Variants in ATF2 observed in about 807,000 individuals in gnomAD.
ATF2 encodes the protein activating transcription factor 2.
In ATF2, 24 loss-of-function variants were observed where a neutral mutation model predicts 60.6. The observed-to-expected ratio is 0.40, with a 90% CI of 0.29 to 0.56. ATF2 has a LOEUF of 0.56. Among genes scored for constraint, ATF2 ranks in the 20% least tolerant of loss-of-function variants. ATF2 has a pLI of 0.54. For missense variants in ATF2, 433 were observed against 607.7 expected (o/e 0.71, Z 3.02); for synonymous variants, 206 against 215.4 (o/e 0.96, Z 0.38).
intron 12 of ATF2, among the ~76,000 whole-genome samples, chr2:175,086,259 C>T (rs1388059284): frequency 2.0e-5 from 3 of 152,030 alleles, no homozygotes; most frequent in Admixed American, 1.3e-4. Flanking sequence ...CTCTAATAGT[C>T]GATTTCATTA....
intron 10 of ATF2, among the ~76,000 whole-genome samples, chr2:175,110,736 G>A (rs950105578): frequency 6.6e-6 from 1 of 152,086 alleles, no homozygotes; most frequent in Admixed American, 6.5e-5. Flanking sequence ...CACCCGAGTA[G>A]CTAGGATTAC....
intron 2 of ATF2, among the ~76,000 whole-genome samples, 158 bp downstream of exon 2, chr2:175,150,902 G>C (rs1255031464): frequency 6.6e-6 from 1 of 152,092 alleles, no homozygotes; most frequent in Non-Finnish European, 1.5e-5. Context: ...CAAATTTGCT[G>C]AATCTCAGCA....
chr2:175,116,393 G>T (rs1696573611), intron 7 of ATF2, among the ~76,000 whole-genome samples: 2 of 152,022 alleles, frequency 1.3e-5, no homozygotes, highest in African/African-American at 4.8e-5. Context: ...CAACTAAATG[G>T]ATGGAGAAAA....
At chr2:175,133,510 C>G (rs2105757645) in intron 3 of ATF2, among the ~76,000 whole-genome samples, 1 of 152,262 alleles carries the variant, frequency 6.6e-6, no homozygotes, top group African/African-American at 2.4e-5. Flanking sequence ...TGCTTTAGAT[C>G]AATGTTTCCC....
At position 175,118,113 on chromosome 2, in the gene ATF2, A is replaced by G. The variant is rs1284671743; in HGVS notation, c.324T>C (p.Pro108=). 3 of 1,609,378 alleles carry G rather than the reference A, an allele frequency of 1.9e-6. No homozygotes were observed. The highest frequency in any genetic ancestry group is 3.3e-4 in the Middle Eastern group (2 of 6,050). ...KASEDDIKKM[P]LDLSPLATPI... Reference sequence around the variant, plus strand: ...GTGTTGCAAGAGGGGATAAATCTAGAGGCATCTATAATTCAAATAATAAGG... The same window carrying G: ...GTGTTGCAAGAGGGGATAAATCTAGGGGCATCTATAATTCAAATAATAAGG... Residue 108 remains proline, a synonymous_variant, in exon 7 of 14, where the codon CCT becomes CCC. Transcript: ENST00000264110.
chr2:175,154,198 G>A (rs1366742002), intron 1 of ATF2, among the ~76,000 whole-genome samples: 5 of 148,516 alleles, frequency 3.4e-5, no homozygotes, highest in African/African-American at 1.2e-4. Context: ...TAGGCAAGAA[G>A]AGCGAAACTC....
At chr2:175,089,588 TCA>T (rs1165467008) in intron 12 of ATF2, among the ~76,000 whole-genome samples, 1 of 152,208 alleles carries the variant, frequency 6.6e-6, no homozygotes, top group Non-Finnish European at 1.5e-5. Flanking sequence ...ATTCTGTTCT[TCA>T]CAGTTAACGG....
intron 1 of ATF2, among the ~76,000 whole-genome samples, chr2:175,158,071 A>C (rs927270504): frequency 2.1e-4 from 32 of 152,104 alleles, no homozygotes; most frequent in African/African-American, 7.7e-4. Flanking sequence ...CACTCAGTAC[A>C]TTCATGACTA....
intron 10 of ATF2, among the ~76,000 whole-genome samples, chr2:175,105,096 T>C (rs1145061): frequency 0.097 from 14,805 of 152,232 alleles, 810 homozygotes; most frequent in Middle Eastern, 0.17. Context: ...ATTGAGTACA[T>C]AGCTTTACAT....
chr2:175,096,280 G>C (rs971609432), intron 11 of ATF2, among the ~76,000 whole-genome samples: 1 of 152,106 alleles, frequency 6.6e-6, no homozygotes, highest in Non-Finnish European at 1.5e-5. Context: ...TCATCTCATA[G>C]GCAGTCACAA....
intron 2 of ATF2, among the ~76,000 whole-genome samples, chr2:175,137,831 A>T (rs1313159260): frequency 6.6e-6 from 1 of 152,076 alleles, no homozygotes; most frequent in Non-Finnish European, 1.5e-5. Context: ...TTCCCTTATT[A>T]CCATTTTCTA....
chr2:175,076,782 A>AT (rs934909461), intron 13 of ATF2, among the ~76,000 whole-genome samples: 7 of 151,004 alleles, frequency 4.6e-5, no homozygotes, highest in African/African-American at 1.7e-4. Context: ...GATTTTTAAA[A>AT]TTTTTTTATT....
chr2:175,106,431 C>T (rs1443654250), intron 10 of ATF2, among the ~76,000 whole-genome samples: 9 of 151,402 alleles, frequency 5.9e-5, no homozygotes, highest in African/African-American at 1.2e-4. Flanking sequence ...GAGGCTGAGG[C>T]GGGAAAATCG....
chr2:175,150,472 C>T (rs1699237501), intron 2 of ATF2, among the ~76,000 whole-genome samples: 1 of 151,934 alleles, frequency 6.6e-6, no homozygotes, highest in Non-Finnish European at 1.5e-5. Context: ...TTTTTTTTTA[C>T]TTTATACTCT....
intron 1 of ATF2, among the ~76,000 whole-genome samples, chr2:175,158,886 T>G (rs548095671): frequency 6.6e-6 from 1 of 152,324 alleles, no homozygotes; most frequent in South Asian, 2.1e-4. Flanking sequence ...AAAATAGTAT[T>G]TATTAAGTTC....
intron 1 of ATF2, among the ~76,000 whole-genome samples, chr2:175,158,654 A>G (rs1699833015): frequency 6.6e-6 from 1 of 152,142 alleles, no homozygotes; most frequent in Admixed American, 6.5e-5. Flanking sequence ...ATAATTTAAA[A>G]TAAGAGTGAC....
intron 13 of ATF2, 89 bp from the exon 14 acceptor site, chr2:175,074,924 G>C: frequency 1.9e-6 from 3 of 1,555,786 alleles, no homozygotes; most frequent in South Asian, 1.2e-5. Context: ...TAAAAAGTTA[G>C]AAAGTATCTT....
chr2:175,106,413 G>A (rs1193606843), intron 10 of ATF2, among the ~76,000 whole-genome samples: 2 of 151,750 alleles, frequency 1.3e-5, no homozygotes, highest in Non-Finnish European at 1.5e-5. Context: ...TGTAATCCCA[G>A]CTACTAGGAG....
intron 11 of ATF2, among the ~76,000 whole-genome samples, chr2:175,094,797 C>T (rs1029187168): frequency 6.6e-6 from 1 of 151,968 alleles, no homozygotes; most frequent in African/African-American, 2.4e-5. Context: ...AAAAATTAGC[C>T]AAGTGCGGTG....
Sources: gnomAD v4.1 joint callset for allele counts (sites outside exome capture counted in the v4.1 genomes callset) on GRCh38, gnomAD v4.1.1 for gene constraint, MANE v1.5 for transcripts, NCBI Gene and HGNC (gene_info 2026-07-23, HGNC 2026-07-21) for gene names.